Variants in OSBPL7 observed in about 807,000 individuals in gnomAD.
The protein encoded by OSBPL7 is oxysterol-binding protein-related protein 7.
OSBPL7 carries 66 observed loss-of-function variants against 115.8 expected under a neutral mutation model. That is an observed-to-expected ratio of 0.57 (90% CI 0.47 to 0.70). OSBPL7 has a LOEUF of 0.70. Among genes scored for constraint, OSBPL7 ranks in the 30% least tolerant of loss-of-function variants. The pLI is 0.00. For missense variants in OSBPL7, 902 were observed against 1,125.5 expected (o/e 0.80, Z 2.84); for synonymous variants, 441 against 439.2 (o/e 1.00, Z -0.05).
At position 47,817,318 on chromosome 17, in the gene OSBPL7, G is replaced by T. The variant is rs762114241; in HGVS notation, c.640C>A (p.Leu214Ile). 1.0e-5 allele frequency: 16 copies of T among 1,605,690 alleles called. No homozygotes were observed. The African/African-American group carries it at 2.2e-4, about 22-fold the overall frequency. ...TGCAGGGACTCCAGGCTCTGGAGGA[G>T]CCTGTGTAGTTCCTGGAGCTTCCCC... ...CQGKLQELHR[L>I]LQSLESLHRI... Residue 214 changes from leucine to isoleucine, a missense_variant, in exon 8 of 23, where the codon CTC (leucine) becomes ATC (isoleucine). By Grantham distance (5) the Leu-to-Ile change is conservative. This residue lies in a region of OSBPL7 where 667 missense variants were observed against 788.7 expected (regional missense o/e 0.85). Transcript: ENST00000007414.
Position 47,817,374 on chromosome 17 carries a change from A to T in OSBPL7, c.599-15T>A, listed in dbSNP as rs778749058. On this transcript the variant is annotated splice_polypyrimidine_tract_variant and intron_variant, in intron 7 of 22. Coordinates refer to ENST00000007414, the MANE Select transcript of OSBPL7 (RefSeq NM_145798.3). Reference sequence around the variant, plus strand: ...CTCAGAGAGCTCTGCGGGGAAAAAGAACAAGAACAAGAACACCATTCATTT... The same window carrying T: ...CTCAGAGAGCTCTGCGGGGAAAAAGTACAAGAACAAGAACACCATTCATTT... 6.5e-7 allele frequency: 1 copy of T among 1,544,146 alleles called. No individual in the cohort carries two copies. The highest frequency in any genetic ancestry group is 8.9e-7 in the Non-Finnish European group (1 of 1,128,590).
At chr17:47,814,785 G>A (rs1421571182) in intron 13 of OSBPL7, 171 bp from the exon 14 acceptor site, 7 of 635,828 alleles carry the variant, frequency 1.1e-5, no homozygotes, top group Admixed American at 6.0e-5. Context: ...CTGGCATCAC[G>A]GAGTGTGCCC....
Position 47,808,438 on chromosome 17 carries a change from T to C in OSBPL7, c.2421-39A>G, listed in dbSNP as rs2032925894. The C allele has an allele frequency of 6.2e-7, 1 of 1,613,696 alleles. No homozygotes were observed. The highest frequency in any genetic ancestry group is 1.3e-5 in the African/African-American group (1 of 74,908). On this transcript the variant is annotated intron_variant, in intron 22 of 22. Coordinates refer to ENST00000007414, the MANE Select transcript of OSBPL7 (RefSeq NM_145798.3). This position sits in a 1 kb window ranked among gnomAD's most constrained non-coding sequence, Gnocchi z 6.1. ...GCGGTGGCAGTGAGGGGTGAACATC[T>C]AGAAGGCAGGCTAGGGTCCTAAGGT...
At position 47,817,246 on chromosome 17, in the gene OSBPL7, TG is replaced by T. The variant is rs1262029374; in HGVS notation, c.702+9del. ...CTGAGCAGGACCCTGTGTGTACCCC[TG>T]GATCTTACCTGGTGTGTGGGGATAA... is the stretch of plus-strand genomic sequence containing the variant. On this transcript the variant is annotated intron_variant, in intron 8 of 22. Transcript: ENST00000007414. 2.0e-5 allele frequency: 32 copies of T among 1,582,196 alleles called. No homozygotes were observed. The highest frequency in any genetic ancestry group is 2.8e-5 in the African/African-American group (2 of 72,722).
chr17:47,815,017 C>T (rs1247170762), intron 13 of OSBPL7, 198 bp downstream of exon 13: 5 of 696,098 alleles, frequency 7.2e-6, no homozygotes, highest in African/African-American at 7.2e-5. Context: ...ACAAATGTCA[C>T]ACTCCTCTAG....
chr17:47,818,706 C>A, intron 5 of OSBPL7, 90 bp from the exon 6 acceptor site: 1 of 1,138,666 alleles, frequency 8.8e-7, no homozygotes, highest in South Asian at 1.4e-5. Context: ...CCCAGACAAG[C>A]AGGGTCTCTT....
intron 7 of OSBPL7, among the ~76,000 whole-genome samples, chr17:47,818,028 C>T (rs2033279175): frequency 6.6e-6 from 1 of 152,198 alleles, no homozygotes; most frequent in East Asian, 1.9e-4. Flanking sequence ...CACTCAGTAT[C>T]TGCTTTGTCA....
Position 47,808,399 on chromosome 17 carries a change from C to G in OSBPL7, c.2421G>C (p.Arg807Ser). ...NNIVHQARFF[R>S]RQTDSSGKEW... is the part of the protein sequence containing the mutation. Reference sequence around the variant, plus strand: ...CTTTCCCGCTGCTATCCGTCTGCCGCCTGGTGGGAGAAGGCGGTGGCAGTG... The same window carrying G: ...CTTTCCCGCTGCTATCCGTCTGCCGGCTGGTGGGAGAAGGCGGTGGCAGTG... The change falls in exon 23 of 23, where the codon AGG (arginine) becomes AGC (serine). Residue 807 changes from arginine to serine, a missense_variant and splice_region_variant. Around this residue, in one of 3 missense-constraint regions of OSBPL7, gnomAD observed 230 missense variants for 312.7 expected, o/e 0.74. Coordinates refer to ENST00000007414, the MANE Select transcript of OSBPL7 (RefSeq NM_145798.3). The surrounding 1 kb of genome is among the most constrained non-coding windows in gnomAD (Gnocchi z 6.1). The G allele has an allele frequency of 6.2e-7, 1 of 1,614,162 alleles. No homozygotes were observed. Among genetic ancestry groups the G allele is most frequent in the Non-Finnish European group, 8.5e-7 (1 of 1,179,996 alleles).
chr17:47,819,891 C>A, intron 3 of OSBPL7, 80 bp downstream of exon 3: 1 of 1,606,602 alleles, frequency 6.2e-7, no homozygotes, highest in Non-Finnish European at 8.5e-7. Flanking sequence ...CATGCAAACA[C>A]CATTGGACTG....
Position 47,815,223 on chromosome 17 carries a change from C to T in OSBPL7, c.1249G>A (p.Glu417Lys), listed in dbSNP as rs1219563139. The change falls in exon 13 of 23, where the codon GAG (glutamate) becomes AAG (lysine). Residue 417 changes from glutamate (E) to lysine (K), a missense_variant. By Grantham distance (56) the Glu-to-Lys change is moderately conservative. Coordinates refer to ENST00000007414, the MANE Select transcript of OSBPL7 (RefSeq NM_145798.3). ...CTTCTCTCCTCCCTCACCTCATTCT[C>T]AGAAGAGCTGGCGGAGAGGAGAACC... is the stretch of plus-strand genomic sequence containing the variant. ...CEVLLSASSS[E>K]NEGSEEEESC... is the part of the protein sequence containing the mutation. 2 of 1,612,734 alleles carry T rather than the reference C, an allele frequency of 1.2e-6. No individual in the cohort carries two copies. The highest frequency in any genetic ancestry group is 1.7e-5 in the Admixed American group (1 of 60,002).
chr17:47,820,548 TGA>T (rs2033368058), intron 1 of OSBPL7, 183 bp from the exon 2 acceptor site: 2 of 447,546 alleles, frequency 4.5e-6, no homozygotes, highest in Non-Finnish European at 4.1e-6. Context: ...GACACTGCCC[TGA>T]GAGTGAACTA....
At chr17:47,809,610 A>C in intron 18 of OSBPL7, 132 bp from the exon 19 acceptor site, 1 of 994,090 alleles carries the variant, frequency 1.0e-6, no homozygotes. Flanking sequence ...CCAGTTCTGC[A>C]GTGAAGGATG....
Position 47,810,723 on chromosome 17 carries a change from G to T in OSBPL7, c.1801+49C>A, listed in dbSNP as rs759060198. 4 of 1,612,846 alleles carry T rather than the reference G, an allele frequency of 2.5e-6. No homozygotes were observed. The African/African-American group carries it at 5.3e-5, about 22-fold the overall frequency. On this transcript the variant is annotated intron_variant, in intron 17 of 22. Coordinates refer to ENST00000007414, the MANE Select transcript of OSBPL7 (RefSeq NM_145798.3). ...GTGAACAACAGAGATAAGGCCAGAG[G>T]GTGTTCCCTTTGCCCAGGGCCACCC...
chr17:47,813,151 A>G, intron 16 of OSBPL7, 115 bp downstream of exon 16: 41 of 1,410,354 alleles, frequency 2.9e-5, no homozygotes, highest in Non-Finnish European at 3.5e-5. Flanking sequence ...CACAGAGCCA[A>G]CTGCCCACGC....
intron 14 of OSBPL7, 54 bp downstream of exon 14, chr17:47,814,467 C>T (rs1035239814): frequency 6.6e-7 from 1 of 1,524,312 alleles, no homozygotes; most frequent in African/African-American, 1.4e-5. Flanking sequence ...CATGGACAAA[C>T]CCTGTTTTTC....
rs765806783 is a variant in OSBPL7 at position 47,810,466 on chromosome 17, C to T, written c.1880+128G>A. On this transcript the variant is annotated intron_variant, in intron 18 of 22. Transcript: ENST00000007414. ...TAGGTGTAAAACCTACAGACACTGA[C>T]GCCACTGCAAGCAGCTTCAGGCCAG... 58 of 731,582 alleles carry T rather than the reference C, an allele frequency of 7.9e-5. No homozygotes were observed. The Admixed American group carries it at 9.1e-4, about 12-fold the overall frequency. 45.3% of individuals were successfully genotyped at this position (731,582 alleles called of 1,614,324 possible).
chr17:47,820,105 C>A lies in OSBPL7; in HGVS notation c.76-9G>T. The A allele has an allele frequency of 6.2e-7, 1 of 1,612,932 alleles. No homozygotes were observed. Among genetic ancestry groups the A allele is most frequent in the East Asian group, 2.2e-5 (1 of 44,862 alleles). On this transcript the variant is annotated splice_polypyrimidine_tract_variant and intron_variant, in intron 2 of 22. Transcript: ENST00000007414. ...TCCCACAGCTCAGAGGCCTGCAGTC[C>A]AGGACAGAGGGAGGGGAGCACTGGT...
intron 3 of OSBPL7, 53 bp downstream of exon 3, chr17:47,819,918 C>CCCTG: frequency 1.3e-6 from 2 of 1,517,048 alleles, no homozygotes; most frequent in South Asian, 1.2e-5. Context: ...AGCTGCCCCC[C>CCCTG]ATTCCCACCC....
At chr17:47,815,610 A>C (rs2033189377) in intron 12 of OSBPL7, 1 of 502,128 alleles carries the variant, frequency 2.0e-6, no homozygotes, top group African/African-American at 1.9e-5. Flanking sequence ...CCTGAGCCCC[A>C]CTCCAAGCCC....
Sources: allele counts gnomAD v4.1 joint callset (sites outside exome capture counted in the v4.1 genomes callset), GRCh38; gene constraint gnomAD v4.1.1; regional missense constraint gnomAD v4.1.1; non-coding constraint Gnocchi (gnomAD v3.1); transcripts MANE v1.5; gene names NCBI Gene and HGNC (gene_info 2026-07-23, HGNC 2026-07-21).